Variants in ZKSCAN1 observed in about 807,000 individuals in gnomAD.
ZKSCAN1 encodes zinc finger with KRAB and SCAN domains 1, also known as zinc finger protein with KRAB and SCAN domains 1.
ZKSCAN1 carries 14 observed loss-of-function variants against 51.6 expected under a neutral mutation model. The ratio of observed to expected loss-of-function variants is 0.27; its 90% CI spans 0.18 to 0.42. ZKSCAN1 has a LOEUF of 0.42. Among genes scored for constraint, ZKSCAN1 ranks in the 10% least tolerant of loss-of-function variants. The probability of loss-of-function intolerance (pLI) is 1.00; values close to 1 mark genes in which losing one functional copy is unlikely to be tolerated. For synonymous variants in ZKSCAN1, 263 were observed against 261.5 expected, an observed-to-expected ratio of 1.01 and a Z score of -0.06; for missense variants, 531 against 710.0, an observed-to-expected ratio of 0.75 and a Z score of 2.86.
rs1166701376 is a variant in ZKSCAN1, at chr7:100,036,511, G to GT, written c.*2318dup. On this transcript the variant is annotated 3_prime_UTR_variant, in exon 6 of 6. Transcript: ENST00000324306. Reference sequence around the variant, plus strand: ...GTGAGCGGATCACCTGAGGTCAGGAGTTTTGAGACCAGCCTGGCCAACATG... The same window carrying GT: ...GTGAGCGGATCACCTGAGGTCAGGAGTTTTTGAGACCAGCCTGGCCAACATG... 1 of 927,742 alleles carries GT rather than the reference G, an allele frequency of 1.1e-6. No individual in the cohort carries two copies. Among genetic ancestry groups the GT allele is most frequent in the Non-Finnish European group, 1.3e-6 (1 of 777,658 alleles). 57.5% of individuals were successfully genotyped at this position (927,742 alleles called of 1,614,324 possible).
intron 5 of ZKSCAN1, among the ~76,000 whole-genome samples, chr7:100,032,727 G>A (rs1791161430): frequency 1.3e-5 from 2 of 152,126 alleles, no homozygotes; most frequent in Admixed American, 1.3e-4. Flanking sequence ...CCCGGGCGTA[G>A]GCCAGGCGTG....
chr7:100,030,175 C>T, intron 4 of ZKSCAN1, 74 bp from the exon 5 acceptor site: 1 of 1,570,188 alleles, frequency 6.4e-7, no homozygotes, highest in East Asian at 2.3e-5. Flanking sequence ...ACCTCTCTTC[C>T]TGACTCCAGG....
At position 100,036,585 on chromosome 7, in the gene ZKSCAN1, G is replaced by C. The variant is rs924162418; in HGVS notation, c.*2388G>C. On this transcript the variant is annotated 3_prime_UTR_variant, in exon 6 of 6. Transcript: ENST00000324306. ...TTATAAAAATTAGCCGGGCATGATG[G>C]TGGGCACCTGTAATCCCAGCTACTT... 1 of 698,232 alleles carries C rather than the reference G, an allele frequency of 1.4e-6. No homozygotes were observed. Among genetic ancestry groups the C allele is most frequent in the African/African-American group, 1.9e-5 (1 of 51,350 alleles). 43.3% of individuals were successfully genotyped at this position (698,232 alleles called of 1,614,324 possible). A position where few individuals can be genotyped will look rare whatever the true frequency, so the allele number is the denominator to read the frequency against.
rs908412035 is a variant in ZKSCAN1 at position 100,024,482 on chromosome 7, T to C, written c.580+175T>C. On this transcript the variant is annotated intron_variant, in intron 3 of 5. Coordinates refer to ENST00000324306, the MANE Select transcript of ZKSCAN1 (RefSeq NM_003439.4). ...AGTGGCGCACACCTGTGATTCCAGC[T>C]ACGCAGGAGGCTGAGGTGGGAGGAT... 5.1e-6 allele frequency: 4 copies of C among 785,820 alleles called. No individual in the cohort carries two copies. The African/African-American group carries it at 7.0e-5, about 14-fold the overall frequency. 48.7% of individuals were successfully genotyped at this position (785,820 alleles called of 1,614,324 possible).
chr7:100,043,461 C>T (rs1028849119), downstream of ZKSCAN1, among the ~76,000 whole-genome samples: 1 of 149,346 alleles, frequency 6.7e-6, no homozygotes, highest in African/African-American at 2.4e-5. Flanking sequence ...CTCACTGCAA[C>T]CTCAACCTCC....
At chr7:100,041,838 T>C (rs187867848), downstream of ZKSCAN1, 13 of 820,864 alleles carry the variant, frequency 1.6e-5, no homozygotes, top group Admixed American at 2.5e-4. Context: ...ACTATCTGTT[T>C]ACTTTGCAAA....
downstream of ZKSCAN1, among the ~76,000 whole-genome samples, chr7:100,042,797 G>GT (rs1200823549): frequency 0.086 from 10,782 of 125,174 alleles, 634 homozygotes; most frequent in Non-Finnish European, 0.13. Context: ...TAATTTTTGG[G>GT]TTTTTTTTTT....
chr7:100,031,864 G>A (rs1280256657), intron 5 of ZKSCAN1, among the ~76,000 whole-genome samples: 3 of 152,294 alleles, frequency 2.0e-5, no homozygotes, highest in African/African-American at 7.2e-5. Context: ...ATCGCTTGAA[G>A]CCAGGAGTTC....
At position 100,034,432 on chromosome 7, in the gene ZKSCAN1, A is replaced by G; in HGVS notation, c.*235A>G. ...TAATCTTACGGATAATCCACGTGAG[A>G]TTTCCACACAAGAGAAAAGCACACG... On this transcript the variant is annotated 3_prime_UTR_variant, in exon 6 of 6. Coordinates refer to ENST00000324306, the MANE Select transcript of ZKSCAN1 (RefSeq NM_003439.4). The G allele has an allele frequency of 2.4e-6, 3 of 1,252,534 alleles. No individual in the cohort carries two copies. The highest frequency in any genetic ancestry group is 3.1e-4 in the Middle Eastern group (1 of 3,176). 77.6% of individuals were successfully genotyped at this position (1,252,534 alleles called of 1,614,324 possible). A position where few individuals can be genotyped will look rare whatever the true frequency, so the allele number is the denominator to read the frequency against.
intron 1 of ZKSCAN1, among the ~76,000 whole-genome samples, chr7:100,021,392 T>A (rs1485162876): frequency 1.3e-5 from 2 of 152,062 alleles, no homozygotes; most frequent in African/African-American, 4.8e-5. Flanking sequence ...CCTCCCAAAG[T>A]GCTGGTATTA....
At chr7:100,017,029 T>G (rs1207557179) in intron 1 of ZKSCAN1, 1 of 152,226 alleles carries the variant, frequency 6.6e-6, no homozygotes, top group Non-Finnish European at 1.5e-5. Context: ...AGCTACTTAG[T>G]CTTTTGCTCA....
At chr7:100,044,680 C>CAA (rs59706759), downstream of ZKSCAN1, 626 of 414,382 alleles carry the variant, frequency 1.5e-3, 2 homozygotes, top group African/African-American at 4.9e-3. Context: ...GACTCTATCT[C>CAA]AAAAAAAAAA....
At position 100,033,045 on chromosome 7, in the gene ZKSCAN1, A is replaced by C. The variant is rs995427528; in HGVS notation, c.800-260A>C. ...AAGTTACCCGGGCGTGGTAGCATGC[A>C]CCTATAGTCCCAGCTACTTGGGAGG... On this transcript the variant is annotated intron_variant, in intron 5 of 5. Transcript: ENST00000324306. This position sits in a 1 kb window ranked among gnomAD's most constrained non-coding sequence, Gnocchi z 4.1. Among the ~76,000 whole-genome samples the C allele has an allele frequency of 2.0e-5, 3 of 148,078 alleles. No individual in the cohort carries two copies. The highest frequency in any genetic ancestry group is 7.5e-5 in the African/African-American group (3 of 40,018).
rs1190380648 is a variant in ZKSCAN1 at position 100,040,603 on chromosome 7, A to G, written c.*6406A>G. 8.1e-6 allele frequency: 8 copies of G among 985,288 alleles called. No individual in the cohort carries two copies. Among genetic ancestry groups the G allele is most frequent in the Non-Finnish European group, 6.0e-6 (5 of 829,940 alleles). 61.0% of individuals were successfully genotyped at this position (985,288 alleles called of 1,614,324 possible). On this transcript the variant is annotated 3_prime_UTR_variant, in exon 6 of 6. Transcript: ENST00000324306. ...GGTCCAAGCAGCCACAGTTGCCCTA[A>G]ATCTCCATCATTAAGTCTTCCAGCA...
Position 100,034,099 on chromosome 7 carries a change from C to A in ZKSCAN1, c.1594C>A (p.Leu532Ile). 1 of 1,609,558 alleles carries A rather than the reference C, an allele frequency of 6.2e-7. No individual in the cohort carries two copies. Among genetic ancestry groups the A allele is most frequent in the Non-Finnish European group, 8.5e-7 (1 of 1,178,450 alleles). ...CGKAFTRSST[L>I]TLHHRIHARE... is the part of the protein sequence containing the mutation. Reference sequence around the variant, plus strand: ...CAAGGCCTTCACCCGCAGCTCCACCCTCACTCTGCATCACAGAATCCATGC... The same window carrying A: ...CAAGGCCTTCACCCGCAGCTCCACCATCACTCTGCATCACAGAATCCATGC... The change falls in exon 6 of 6, where the codon CTC becomes ATC. Residue 532 changes from leucine (L) to isoleucine (I), a missense_variant. Physicochemically the swap from Leu to Ile is conservative, Grantham distance 5. Around this residue, in one of 2 missense-constraint regions of ZKSCAN1, gnomAD observed 128 missense variants for 219.5 expected, o/e 0.58. Coordinates refer to ENST00000324306, the MANE Select transcript of ZKSCAN1 (RefSeq NM_003439.4).
At chr7:100,023,309 C>A in intron 1 of ZKSCAN1, 110 bp from the exon 2 acceptor site, 1 of 576,560 alleles carries the variant, frequency 1.7e-6, no homozygotes, top group South Asian at 2.5e-5. Flanking sequence ...CCACCCCCGG[C>A]CTCAGGAGCG....
In ZKSCAN1 at chr7:100,030,067, C is replaced by T. The variant is rs1034940516; in HGVS notation, c.672+115C>T. 2.5e-5 allele frequency: 35 copies of T among 1,404,858 alleles called. No individual in the cohort carries two copies. The Admixed American group carries it at 6.6e-4, about 26-fold the overall frequency. 87.0% of individuals were successfully genotyped at this position (1,404,858 alleles called of 1,614,324 possible). A position where few individuals can be genotyped will look rare whatever the true frequency, so the allele number is the denominator to read the frequency against. Reference sequence around the variant, plus strand: ...GCCCCTGCTCTCAAAGAAGCCCCAACCCTGTCCTCTCCTTTTAGCATCTTT... The same window carrying T: ...GCCCCTGCTCTCAAAGAAGCCCCAATCCTGTCCTCTCCTTTTAGCATCTTT... On this transcript the variant is annotated intron_variant, in intron 4 of 5. Coordinates refer to ENST00000324306, the MANE Select transcript of ZKSCAN1 (RefSeq NM_003439.4).
chr7:100,026,074 G>C (rs943418953), intron 3 of ZKSCAN1, among the ~76,000 whole-genome samples: 7 of 151,980 alleles, frequency 4.6e-5, no homozygotes, highest in Non-Finnish European at 8.8e-5. Context: ...TACAAAATTA[G>C]CCAGGCCTGG....
chr7:100,037,728 T>C lies in ZKSCAN1; in HGVS notation c.*3531T>C, dbSNP rs1791422352. 3.0e-6 allele frequency: 3 copies of C among 985,338 alleles called. No individual in the cohort carries two copies. Among genetic ancestry groups the C allele is most frequent in the Non-Finnish European group, 3.6e-6 (3 of 829,878 alleles). 61.0% of individuals were successfully genotyped at this position (985,338 alleles called of 1,614,324 possible). ...TTTGAGAAACATTGCAAGAGGGAGC[T>C]CAATCTTGGCCGGGCGCCGTGGCTC... On this transcript the variant is annotated 3_prime_UTR_variant, in exon 6 of 6. Transcript: ENST00000324306.
Sources: gnomAD v4.1 joint callset for allele counts (sites outside exome capture counted in the v4.1 genomes callset) on GRCh38, gnomAD v4.1.1 for gene constraint, gnomAD v4.1.1 regional missense constraint, Gnocchi (gnomAD v3.1) non-coding constraint, MANE v1.5 for transcripts, NCBI Gene and HGNC (gene_info 2026-07-23, HGNC 2026-07-21) for gene names.